The following CCDC170 variants were observed in gnomAD, a reference collection of about 807,000 sequenced individuals.
CCDC170 encodes coiled-coil domain-containing protein 170.
CCDC170 carries 69 observed loss-of-function variants against 72.6 expected under a neutral mutation model. The ratio of observed to expected loss-of-function variants is 0.95; its 90% CI spans 0.78 to 1.16. CCDC170 has a LOEUF of 1.16. Among genes scored for constraint, CCDC170 ranks in the 50% most tolerant of loss-of-function variants. CCDC170 has a pLI of 0.00. For missense variants in CCDC170, 852 were observed against 832.5 expected (o/e 1.02, Z -0.29); for synonymous variants, 300 against 303.9 (o/e 0.99, Z 0.13).
intron 5 of CCDC170, among the ~76,000 whole-genome samples, chr6:151,561,234 G>A (rs1345360864): frequency 1.3e-5 from 2 of 152,072 alleles, no homozygotes; most frequent in East Asian, 3.9e-4. Context: ...TACTCTTTTA[G>A]TTATTTAAAA....
At chr6:151,522,427 G>C (rs975713100) in intron 1 of CCDC170, among the ~76,000 whole-genome samples, 1 of 151,984 alleles carries the variant, frequency 6.6e-6, no homozygotes, top group Non-Finnish European at 1.5e-5. Flanking sequence ...CTTTTTCAAT[G>C]ACCTACTCCA....
chr6:151,499,128 T>G (rs9383908), intron 1 of CCDC170, among the ~76,000 whole-genome samples: 1,691 of 91,466 alleles, frequency 0.018, 200 homozygotes, highest in Admixed American at 0.11. Context: ...AGTGGAATCA[T>G]ACTGTATTTG....
intron 1 of CCDC170, among the ~76,000 whole-genome samples, chr6:151,514,549 T>C (rs1782208272): frequency 6.6e-6 from 1 of 152,090 alleles, no homozygotes; most frequent in Admixed American, 6.5e-5. Context: ...GAAAGCTCTG[T>C]GGCATGCCGA....
intron 1 of CCDC170, among the ~76,000 whole-genome samples, chr6:151,502,326 G>C (rs577424364): frequency 6.6e-6 from 1 of 152,282 alleles, no homozygotes; most frequent in East Asian, 1.9e-4. Flanking sequence ...AAATATCTGA[G>C]TTCCCTCATT....
chr6:151,563,551 G>A (rs1776080647), intron 5 of CCDC170, among the ~76,000 whole-genome samples: 1 of 152,140 alleles, frequency 6.6e-6, no homozygotes, highest in African/African-American at 2.4e-5. Flanking sequence ...GAGATCTAGT[G>A]GTACAGTGAC....
At chr6:151,534,997 G>T (rs1782553816) in intron 1 of CCDC170, among the ~76,000 whole-genome samples, 1 of 152,156 alleles carries the variant, frequency 6.6e-6, no homozygotes, top group South Asian at 2.1e-4. Flanking sequence ...CATAGAGGTG[G>T]TGTAGATATC....
At position 151,548,367 on chromosome 6, in the gene CCDC170, A is replaced by G. The variant is rs1462136135; in HGVS notation, c.652A>G (p.Ile218Val). ...KGQIVILEET[I>V]NVHEMEAKAS... ...ACAAATTGTTATTCTTGAAGAGACT[A>G]TAAATGTCCATGAGATGGAAGCAAA... Residue 218 changes from isoleucine to valine, a missense_variant, in exon 5 of 11, where the codon ATA (isoleucine) becomes GTA (valine). By Grantham distance (29) the Ile-to-Val change is conservative. Coordinates refer to ENST00000239374, the MANE Select transcript of CCDC170 (RefSeq NM_025059.4). 3 of 1,613,056 alleles carry G rather than the reference A, an allele frequency of 1.9e-6. No homozygotes were observed. The highest frequency in any genetic ancestry group is 1.1e-5 in the South Asian group (1 of 90,916).
At chr6:151,610,707 G>T (rs1220640701) in intron 9 of CCDC170, among the ~76,000 whole-genome samples, 2 of 152,136 alleles carry the variant, frequency 1.3e-5, no homozygotes, top group Non-Finnish European at 2.9e-5. Context: ...ATCCATAAAT[G>T]GTCTGCAAGG....
At chr6:151,506,202 C>T (rs561135232) in intron 1 of CCDC170, among the ~76,000 whole-genome samples, 2 of 152,290 alleles carry the variant, frequency 1.3e-5, no homozygotes, top group South Asian at 4.1e-4. Context: ...TATCTACCCA[C>T]AAAATATACC....
At chr6:151,588,054 T>C (rs9478225) in intron 7 of CCDC170, among the ~76,000 whole-genome samples, 137,385 of 152,200 alleles carry the variant, frequency 0.9, 62,167 homozygotes, top group East Asian at 0.99. Flanking sequence ...AAACCAAAGG[T>C]GTGAGATGGC....
intron 1 of CCDC170, among the ~76,000 whole-genome samples, chr6:151,533,438 C>T (rs957585629): frequency 3.9e-5 from 6 of 151,928 alleles, no homozygotes; most frequent in African/African-American, 9.7e-5. Flanking sequence ...GAGGCTGAGG[C>T]AGGCAGATCA....
intron 3 of CCDC170, among the ~76,000 whole-genome samples, chr6:151,540,314 C>G (rs1782666231): frequency 6.7e-6 from 1 of 148,556 alleles, no homozygotes. Context: ...CCATGTTTCT[C>G]CTCCTCCTCC....
intron 5 of CCDC170, among the ~76,000 whole-genome samples, chr6:151,572,641 T>C (rs1776234165): frequency 7.9e-6 from 1 of 126,534 alleles, no homozygotes. Context: ...TTTATATCCC[T>C]TCTCTGTGTT....
chr6:151,519,359 G>A (rs550290888), intron 1 of CCDC170, among the ~76,000 whole-genome samples: 38 of 152,236 alleles, frequency 2.5e-4, no homozygotes, highest in East Asian at 1.5e-3. Context: ...TATTCTGCCC[G>A]ACCCCGCAGG....
chr6:151,501,906 T>C (rs1336405636), intron 1 of CCDC170, among the ~76,000 whole-genome samples: 1 of 152,210 alleles, frequency 6.6e-6, no homozygotes, highest in Non-Finnish European at 1.5e-5. Context: ...TATGCTATGC[T>C]CTTTTACCCA....
At chr6:151,515,291 C>T (rs1236528486) in intron 1 of CCDC170, among the ~76,000 whole-genome samples, 1 of 152,178 alleles carries the variant, frequency 6.6e-6, no homozygotes, top group Admixed American at 6.5e-5. Context: ...AATTTATTTA[C>T]TTATTTATTG....
intron 1 of CCDC170, among the ~76,000 whole-genome samples, chr6:151,516,578 C>T (rs1422469327): frequency 6.6e-6 from 1 of 151,970 alleles, no homozygotes; most frequent in African/African-American, 2.4e-5. Flanking sequence ...AGATTAAGGA[C>T]ACAGACACAC....
At chr6:151,569,175 C>A in intron 5 of CCDC170, among the ~76,000 whole-genome samples, 1 of 152,034 alleles carries the variant, frequency 6.6e-6, no homozygotes, top group East Asian at 1.9e-4. Flanking sequence ...TAAGCTCAAG[C>A]CACAGGTTCT....
intron 9 of CCDC170, among the ~76,000 whole-genome samples, chr6:151,613,485 A>C (rs1776908202): frequency 6.6e-6 from 1 of 152,184 alleles, no homozygotes; most frequent in Non-Finnish European, 1.5e-5. Flanking sequence ...AAACATTTTC[A>C]TCCCCTCCAA....
Sources: gnomAD v4.1 joint callset for allele counts (sites outside exome capture counted in the v4.1 genomes callset) on GRCh38, gnomAD v4.1.1 for gene constraint, MANE v1.5 for transcripts, NCBI Gene and HGNC (gene_info 2026-07-23, HGNC 2026-07-21) for gene names.